Variants in DPP10 observed in about 807,000 individuals in gnomAD.
DPP10 encodes the protein inactive dipeptidyl peptidase 10.
Under a neutral mutation model 120.9 loss-of-function variants are expected in DPP10, and 33 were observed. The observed-to-expected ratio is 0.27, with a 90% CI of 0.21 to 0.37. The LOEUF (loss-of-function observed/expected upper bound fraction) is 0.37, where lower values mean the gene tolerates loss of function less well. DPP10 is among the 10% of genes least tolerant of loss of function. The pLI is 1.00. For synonymous variants in DPP10, 337 were observed against 326.1 expected (o/e 1.03, Z -0.36); for missense variants, 816 against 942.8 (o/e 0.87, Z 1.76).
chr2:114,821,849 G>T (rs979165929), intron 1 of DPP10, among the ~76,000 whole-genome samples: 11 of 152,220 alleles, frequency 7.2e-5, no homozygotes, highest in African/African-American at 2.7e-4. Context: ...GCTGGTGTAA[G>T]AAGTTGGCTC....
intron 1 of DPP10, among the ~76,000 whole-genome samples, chr2:114,795,030 G>A (rs1326928305): frequency 6.6e-6 from 1 of 152,008 alleles, no homozygotes; most frequent in African/African-American, 2.4e-5. Flanking sequence ...TATACCATTC[G>A]TCTTTTACTT....
chr2:115,769,020 A>G (rs1681137868), intron 13 of DPP10, among the ~76,000 whole-genome samples: 1 of 152,044 alleles, frequency 6.6e-6, no homozygotes, highest in South Asian at 2.1e-4. Flanking sequence ...TGAAGGGTTT[A>G]TACAGTTTTA....
In DPP10 at chr2:115,755,168, A is replaced by T. The variant is rs1347769380; in HGVS notation, c.1074+1871A>T. ...TTATAAATTAGTTTCGCATGTTTTTAAACTGCATATAAATGCATTTATACA... is the reference window on the plus strand; with the variant it reads ...TTATAAATTAGTTTCGCATGTTTTTTAACTGCATATAAATGCATTTATACA... On this transcript the variant is annotated intron_variant, in intron 11 of 25. Coordinates refer to ENST00000410059, the MANE Select transcript of DPP10 (RefSeq NM_020868.6). 2.0e-5 allele frequency among the ~76,000 whole-genome samples: 3 copies of T among 152,218 alleles called. No individual in the cohort carries two copies. In the East Asian group the frequency reaches 5.8e-4, roughly 29 times the overall value.
chr2:114,864,907 C>T (rs1329020164), intron 1 of DPP10, among the ~76,000 whole-genome samples: 5 of 151,946 alleles, frequency 3.3e-5, no homozygotes, highest in Admixed American at 6.6e-5. Context: ...TGGGAAACAA[C>T]GGTAATCCTA....
intron 1 of DPP10, among the ~76,000 whole-genome samples, chr2:114,962,415 A>G (rs918991812): frequency 6.6e-6 from 1 of 152,192 alleles, no homozygotes; most frequent in Non-Finnish European, 1.5e-5. Context: ...GGCATCGGGC[A>G]AGGGAAAGGG....
intron 1 of DPP10, among the ~76,000 whole-genome samples, chr2:114,789,523 C>T (rs1011902530): frequency 5.9e-5 from 9 of 152,092 alleles, no homozygotes; most frequent in South Asian, 2.1e-4. Flanking sequence ...AGTAGCATGG[C>T]GTCAAGATAC....
At chr2:114,808,069 C>T (rs1202596109) in intron 1 of DPP10, among the ~76,000 whole-genome samples, 1 of 152,166 alleles carries the variant, frequency 6.6e-6, no homozygotes, top group Non-Finnish European at 1.5e-5. Context: ...TTCAGCAGCG[C>T]TGGACAGAAA....
chr2:114,928,974 T>C (rs538340473), intron 1 of DPP10, among the ~76,000 whole-genome samples: 1 of 152,256 alleles, frequency 6.6e-6, no homozygotes, highest in East Asian at 1.9e-4. Flanking sequence ...TTCTTTTCTA[T>C]TTTCCCTAAG....
chr2:114,562,700 C>G (rs1256987676), intron 1 of DPP10, among the ~76,000 whole-genome samples: 1 of 152,040 alleles, frequency 6.6e-6, no homozygotes, highest in East Asian at 1.9e-4. Flanking sequence ...TATTGAAACT[C>G]TCTGTCAAAA....
At chr2:115,499,300 C>T (rs1285917004) in intron 3 of DPP10, among the ~76,000 whole-genome samples, 1 of 152,058 alleles carries the variant, frequency 6.6e-6, no homozygotes, top group Non-Finnish European at 1.5e-5. Context: ...CTCATACTAA[C>T]CCCTTGTTCA....
chr2:114,554,656 G>A (rs767820681), intron 1 of DPP10, among the ~76,000 whole-genome samples: 2 of 152,138 alleles, frequency 1.3e-5, no homozygotes, highest in African/African-American at 4.8e-5. Flanking sequence ...TTCTTATAGA[G>A]AACACACTAT....
chr2:115,723,250 G>A (rs1478110845), intron 7 of DPP10, among the ~76,000 whole-genome samples: 1 of 152,154 alleles, frequency 6.6e-6, no homozygotes, highest in African/African-American at 2.4e-5. Context: ...CGAGATTACT[G>A]ATAGTATAAA....
chr2:115,095,693 C>A (rs66504724), intron 1 of DPP10, among the ~76,000 whole-genome samples: 31,174 of 151,074 alleles, frequency 0.21, 3,903 homozygotes, highest in East Asian at 0.36. Context: ...AGAAATTCTG[C>A]ACTTCTAACT....
At chr2:114,714,056 T>A (rs1701199603) in intron 1 of DPP10, among the ~76,000 whole-genome samples, 1 of 142,864 alleles carries the variant, frequency 7.0e-6, no homozygotes, top group Non-Finnish European at 1.5e-5. Flanking sequence ...CATGTGTTCC[T>A]GAGTGGATTT....
intron 1 of DPP10, among the ~76,000 whole-genome samples, chr2:114,809,863 C>T (rs955064400): frequency 6.6e-5 from 10 of 152,176 alleles, no homozygotes; most frequent in Admixed American, 2.6e-4. Flanking sequence ...CTCAGAGAAA[C>T]ACTGCTATAA....
chr2:114,836,123 C>G (rs936416354), intron 1 of DPP10, among the ~76,000 whole-genome samples: 1 of 152,148 alleles, frequency 6.6e-6, no homozygotes, highest in Non-Finnish European at 1.5e-5. Context: ...CCATGCAAGG[C>G]CACCTAAAAT....
At chr2:114,453,780 T>C (rs17048371) in intron 1 of DPP10, among the ~76,000 whole-genome samples, 19,525 of 152,166 alleles carry the variant, frequency 0.13, 3,017 homozygotes, top group African/African-American at 0.37. Context: ...AATCAAAAAC[T>C]GTATACTAAA....
intron 1 of DPP10, among the ~76,000 whole-genome samples, chr2:114,553,778 A>G (rs1688071167): frequency 6.6e-6 from 1 of 152,200 alleles, no homozygotes; most frequent in South Asian, 2.1e-4. Flanking sequence ...TTCAAGAAAA[A>G]AAAATATTTT....
At chr2:115,571,501 C>A (rs569127115) in intron 5 of DPP10, among the ~76,000 whole-genome samples, 1 of 152,054 alleles carries the variant, frequency 6.6e-6, no homozygotes, top group African/African-American at 2.4e-5. Flanking sequence ...TCTGATCCTG[C>A]GTTAATTCAC....
Sources: gnomAD v4.1 joint callset for allele counts (sites outside exome capture counted in the v4.1 genomes callset) on GRCh38, gnomAD v4.1.1 for gene constraint, MANE v1.5 for transcripts, NCBI Gene and HGNC (gene_info 2026-07-23, HGNC 2026-07-21) for gene names.